The following DIP2A variants were observed in gnomAD, a reference collection of about 807,000 sequenced individuals.
DIP2A encodes the protein disco-interacting protein 2 homolog A.
Under a neutral mutation model 177.4 loss-of-function variants are expected in DIP2A, and 85 were observed. The ratio of observed to expected loss-of-function variants is 0.48; its 90% CI spans 0.40 to 0.57. The LOEUF is 0.57. Ranked by LOEUF, DIP2A falls within the 20% of genes least tolerant of loss-of-function variation. The probability of loss-of-function intolerance (pLI) is 0.00; values close to 1 mark genes in which losing one functional copy is unlikely to be tolerated. For missense variants in DIP2A, 1,791 were observed against 2,100.2 expected, an observed-to-expected ratio of 0.85 and a Z score of 2.88; for synonymous variants, 886 against 881.8, an observed-to-expected ratio of 1.00 and a Z score of -0.08.
At chr21:46,507,010 C>T (rs2058049752) in intron 6 of DIP2A, among the ~76,000 whole-genome samples, 3 of 151,700 alleles carry the variant, frequency 2.0e-5, no homozygotes, top group Admixed American at 1.3e-4. Context: ...TTGAACTCCT[C>T]GTCTCTGCCT....
At chr21:46,542,585 C>T (rs891474511) in intron 18 of DIP2A, among the ~76,000 whole-genome samples, 17 of 152,358 alleles carry the variant, frequency 1.1e-4, no homozygotes, top group Admixed American at 5.9e-4. Flanking sequence ...CCTTGCTGGC[C>T]TGAGGCAGAA....
At chr21:46,541,032 A>C (rs1016745657) in intron 17 of DIP2A, among the ~76,000 whole-genome samples, 3 of 151,984 alleles carry the variant, frequency 2.0e-5, no homozygotes, top group African/African-American at 7.3e-5. Flanking sequence ...AAAAAAAAAA[A>C]AAAGTTACCC....
chr21:46,577,896 T>C, the DIP2A span, among the ~76,000 whole-genome samples: 42,570 of 152,158 alleles, frequency 0.28, 6,145 homozygotes, highest in Admixed American at 0.32. Context: ...TTTGTAGCAA[T>C]TGTAAATGGA....
intron 35 of DIP2A, among the ~76,000 whole-genome samples, chr21:46,565,245 C>T (rs146616838): frequency 2.6e-5 from 4 of 152,364 alleles, no homozygotes; most frequent in African/African-American, 4.8e-5. Flanking sequence ...CGCACACACA[C>T]GCGCGTGGGG....
chr21:46,573,857 A>G (rs912491605), downstream of DIP2A, among the ~76,000 whole-genome samples: 5 of 152,186 alleles, frequency 3.3e-5, no homozygotes, highest in Middle Eastern at 0.01. Context: ...ATATGAAATG[A>G]AAACTGACAA....
chr21:46,546,477 C>T (rs2060045109), intron 20 of DIP2A, among the ~76,000 whole-genome samples: 2 of 152,186 alleles, frequency 1.3e-5, no homozygotes, highest in African/African-American at 4.8e-5. Context: ...CCAACCTAAG[C>T]ACAGGACAGC....
intron 8 of DIP2A, among the ~76,000 whole-genome samples, chr21:46,517,723 G>A (rs2058650619): frequency 6.6e-6 from 1 of 152,258 alleles, no homozygotes; most frequent in African/African-American, 2.4e-5. Flanking sequence ...ATGTCCTGCA[G>A]GAGGTGGCTG....
At chr21:46,577,324 G>C in the DIP2A span, among the ~76,000 whole-genome samples, 3 of 152,120 alleles carry the variant, frequency 2.0e-5, no homozygotes, top group Non-Finnish European at 4.4e-5. Context: ...GTAAGGAAGG[G>C]GTCCAGTTTT....
intron 1 of DIP2A, among the ~76,000 whole-genome samples, chr21:46,467,414 TG>T (rs2054937083): frequency 6.6e-6 from 1 of 152,178 alleles, no homozygotes; most frequent in Non-Finnish European, 1.5e-5. Context: ...GTTGCCCAGT[TG>T]GGAGTGCAGT....
chr21:46,517,058 T>C (rs1332971759), intron 8 of DIP2A, among the ~76,000 whole-genome samples: 1 of 118,902 alleles, frequency 8.4e-6, no homozygotes, highest in African/African-American at 3.2e-5. Flanking sequence ...CTCTCTCTTT[T>C]TTTTTTTTTT....
intron 1 of DIP2A, among the ~76,000 whole-genome samples, chr21:46,477,543 T>TTGTGTG (rs1555874551): frequency 0.043 from 3,725 of 87,118 alleles, 251 homozygotes; most frequent in African/African-American, 0.15. Context: ...AAAAAAAGAT[T>TTGTGTG]TGTGTGTGTG....
rs2060444476 is a variant in DIP2A at position 46,555,729 on chromosome 21, C to T, written c.3389-253C>T. 2.7e-5 allele frequency: 14 copies of T among 516,672 alleles called. No homozygotes were observed. In the South Asian group the frequency reaches 2.9e-4, roughly 11 times the overall value. The allele number at this position is 516,672 out of a possible 1,614,324, so 32.0% of individuals were successfully genotyped here. A position where few individuals can be genotyped will look rare whatever the true frequency, so the allele number is the denominator to read the frequency against. On this transcript the variant is annotated intron_variant, in intron 28 of 37. Transcript: ENST00000417564. The stretch of plus-strand genomic sequence containing the variant: ...TGGTCAGTGACGTGATGCCTCCCCT[C>T]TTCGCCCTGCCTCGTCCCCCATCCC...
chr21:46,558,488 G>A (rs2060551511), intron 32 of DIP2A, 95 bp downstream of exon 32: 1 of 1,266,424 alleles, frequency 7.9e-7, no homozygotes, highest in East Asian at 2.5e-5. Flanking sequence ...GTAGCCGCCT[G>A]ATCTATTTCT....
Position 46,554,340 on chromosome 21 carries a change from T to C in DIP2A, c.3154+48T>C, listed in dbSNP as rs927325397. The C allele has an allele frequency of 2.5e-6, 4 of 1,607,496 alleles. No homozygotes were observed. In the Admixed American group the frequency reaches 6.7e-5, roughly 27 times the overall value. Reference sequence around the variant, plus strand: ...CACCTGCAGCTCTTTGTAAGCAGCCTCCTATCCTAAGCAGCCCCCTAGACA... The same window carrying C: ...CACCTGCAGCTCTTTGTAAGCAGCCCCCTATCCTAAGCAGCCCCCTAGACA... On this transcript the variant is annotated intron_variant, in intron 26 of 37. Coordinates refer to ENST00000417564, the MANE Select transcript of DIP2A (RefSeq NM_015151.4).
chr21:46,541,881 A>G lies in DIP2A; in HGVS notation c.2162A>G (p.Gln721Arg), dbSNP rs1292979208. Reference sequence around the variant, plus strand: ...GTCCTTACTGTTCAGGACGTTGGTCAGGTGATGCCTGGAGGTAAGAGACAT... The same window carrying G: ...GTCCTTACTGTTCAGGACGTTGGTCGGGTGATGCCTGGAGGTAAGAGACAT... Reference protein sequence around the residue: ...LSVLTVQDVGQVMPGANVCVV... With the variant: ...LSVLTVQDVGRVMPGANVCVV... Residue 721 changes from glutamine to arginine, a missense_variant, in exon 18 of 38, where the codon CAG (glutamine) becomes CGG (arginine). Gln to Arg is a conservative substitution (Grantham distance 43). Coordinates refer to ENST00000417564, the MANE Select transcript of DIP2A (RefSeq NM_015151.4). 6.2e-7 allele frequency: 1 copy of G among 1,614,070 alleles called. No individual in the cohort carries two copies. Among genetic ancestry groups the G allele is most frequent in the African/African-American group, 1.3e-5 (1 of 75,070 alleles).
intron 2 of DIP2A, 38 bp downstream of exon 2, chr21:46,484,866 A>G (rs1215345263): frequency 3.3e-6 from 5 of 1,496,136 alleles, no homozygotes; most frequent in Admixed American, 2.6e-5. Flanking sequence ...TAGCAATTAT[A>G]TTGTTTCATA....
chr21:46,561,077 T>C, intron 33 of DIP2A: 1 of 923,130 alleles, frequency 1.1e-6, no homozygotes, highest in African/African-American at 1.8e-5. Flanking sequence ...TCCCTTTATC[T>C]GTCACACAAC....
Position 46,560,776 on chromosome 21 carries a change from C to T in DIP2A, c.4024C>T (p.His1342Tyr), listed in dbSNP as rs766923654. Residue 1342 changes from histidine (H) to tyrosine (Y), a missense_variant, in exon 33 of 38, where the codon CAT becomes TAT. Physicochemically the swap from His to Tyr is moderately conservative, Grantham distance 83. Coordinates refer to ENST00000417564, the MANE Select transcript of DIP2A (RefSeq NM_015151.4). ...TVYVDMRALR[H>Y]DRVRLVERGS... ...CTACGTGGACATGCGGGCACTGCGC[C>T]ATGACAGGTAATGCTCCCAGCCTGC... The T allele has an allele frequency of 1.2e-6, 2 of 1,606,162 alleles. No homozygotes were observed.
intron 28 of DIP2A, among the ~76,000 whole-genome samples, chr21:46,555,305 G>A (rs957134234): frequency 6.6e-6 from 1 of 152,228 alleles, no homozygotes; most frequent in African/African-American, 2.4e-5. Flanking sequence ...ATTGGTGAAT[G>A]CTGTCATGCC....
Sources: gnomAD v4.1 joint callset for allele counts (sites outside exome capture counted in the v4.1 genomes callset) on GRCh38, gnomAD v4.1.1 for gene constraint, MANE v1.5 for transcripts, NCBI Gene and HGNC (gene_info 2026-07-23, HGNC 2026-07-21) for gene names.